The following TBC1D3B variants were observed in gnomAD, a reference collection of about 807,000 sequenced individuals.
TBC1D3B encodes the protein Rab GTPase-activating protein PRC17 duplicate.
A neutral mutation model predicts 27.1 loss-of-function variants in TBC1D3B; 2 were observed. The ratio of observed to expected loss-of-function variants is 0.07; its 90% CI spans 0.03 to 0.23. The LOEUF (loss-of-function observed/expected upper bound fraction) is 0.23, where lower values mean the gene tolerates loss of function less well. TBC1D3B is among the 10% of genes least tolerant of loss of function. The pLI is 1.00. For missense variants in TBC1D3B, 17 were observed against 401.3 expected, an observed-to-expected ratio of 0.04 and a Z score of 8.18; for synonymous variants, 3 against 150.1, an observed-to-expected ratio of 0.02 and a Z score of 7.16.
chr17:36,168,505 G>T lies in TBC1D3B; in HGVS notation c.828+125C>A, dbSNP rs1382372369. The stretch of plus-strand genomic sequence containing the variant: ...CTCTTGGGCAGAGGGTTTTGCTTGT[G>T]TGTCCTTTGGGGACCCGCCTGAGCC... On this transcript the variant is annotated intron_variant, in intron 11 of 13. Coordinates refer to ENST00000611257, the MANE Select transcript of TBC1D3B (RefSeq NM_001001417.7). 4.8e-4 allele frequency: 188 copies of T among 388,166 alleles called. 12 individuals are homozygous for T. The East Asian group carries it at 5.2e-3, about 11-fold the overall frequency. 24.0% of individuals were successfully genotyped at this position (388,166 alleles called of 1,614,324 possible).
chr17:36,169,328 G>C (rs1342071117), intron 9 of TBC1D3B, among the ~76,000 whole-genome samples, 154 bp from the exon 10 acceptor site: 1 of 150,054 alleles, frequency 6.7e-6, no homozygotes. Context: ...TTACCCTGGG[G>C]AGGTGGGGCG....
At position 36,165,855 on chromosome 17, in the gene TBC1D3B, A is replaced by C; in HGVS notation, c.*140T>G. On this transcript the variant is annotated 3_prime_UTR_variant, in exon 14 of 14. Transcript: ENST00000611257. ...TGTGATCTGGGGTCTGGTGTGTTCC[A>C]TCTCTGAATGTCTCTCAAGCTGCAC... The C allele has an allele frequency of 2.1e-6, 2 of 949,072 alleles. No individual in the cohort carries two copies. Among genetic ancestry groups the C allele is most frequent in the Admixed American group, 2.1e-5 (1 of 48,622 alleles). 58.8% of individuals were successfully genotyped at this position (949,072 alleles called of 1,614,324 possible).
At chr17:36,168,481 T>A in intron 11 of TBC1D3B, 149 bp downstream of exon 11, 4 of 427,474 alleles carry the variant, frequency 9.4e-6, no homozygotes, top group Admixed American at 2.7e-5. Flanking sequence ...GGATGACTCC[T>A]CTTGGGCAGA....
intron 9 of TBC1D3B, among the ~76,000 whole-genome samples, chr17:36,169,513 A>G (rs2068317743): frequency 6.7e-6 from 1 of 149,504 alleles, no homozygotes; most frequent in Non-Finnish European, 1.5e-5. Context: ...GGATGGGGAG[A>G]TGCTGCCACC....
rs1431980749 is a variant in TBC1D3B at position 36,165,931 on chromosome 17, G to A, written c.*64C>T. 31 of 1,027,718 alleles carry A rather than the reference G, an allele frequency of 3.0e-5. 5 individuals carry two copies. The highest frequency in any genetic ancestry group is 4.2e-5 in the African/African-American group (3 of 71,442). 63.7% of individuals were successfully genotyped at this position (1,027,718 alleles called of 1,614,324 possible). On this transcript the variant is annotated 3_prime_UTR_variant, in exon 14 of 14. Coordinates refer to ENST00000611257, the MANE Select transcript of TBC1D3B (RefSeq NM_001001417.7). The stretch of plus-strand genomic sequence containing the variant: ...TTAACCAAAAATAAAACGAGGACGC[G>A]AAGCTTGCTTGGGTTGTTAAGCCTA...
At chr17:36,171,335 A>C in intron 7 of TBC1D3B, among the ~76,000 whole-genome samples, 1 of 151,222 alleles carries the variant, frequency 6.6e-6, no homozygotes, top group Non-Finnish European at 1.5e-5. Context: ...TCAGTTTCCA[A>C]ATCAGTGGGT....
intron 7 of TBC1D3B, among the ~76,000 whole-genome samples, chr17:36,170,950 G>C (rs1271171054): frequency 4.1e-4 from 33 of 81,446 alleles, no homozygotes; most frequent in African/African-American, 9.0e-4. Context: ...GCCCCTCCTG[G>C]GGCGACTCCT....
intron 7 of TBC1D3B, among the ~76,000 whole-genome samples, chr17:36,171,090 C>A (rs1268463455): frequency 7.1e-6 from 1 of 140,786 alleles, no homozygotes; most frequent in Non-Finnish European, 1.6e-5. Flanking sequence ...GAATGGGAAT[C>A]CTACGGTGGT....
intron 1 of TBC1D3B, among the ~76,000 whole-genome samples, chr17:36,175,660 C>T (rs1451480038): frequency 3.0e-5 from 3 of 99,072 alleles, no homozygotes; most frequent in African/African-American, 9.9e-5. Flanking sequence ...ACGTCTCTCG[C>T]GGAGGGACTG....
At chr17:36,170,853 G>C (rs1319228970) in intron 7 of TBC1D3B, among the ~76,000 whole-genome samples, 3 of 92,466 alleles carry the variant, frequency 3.2e-5, no homozygotes, top group Non-Finnish European at 1.1e-4. Context: ...TTTTTTTTCA[G>C]TTTGCACACA....
intron 1 of TBC1D3B, among the ~76,000 whole-genome samples, chr17:36,175,887 GA>G (rs2068417092): frequency 2.7e-5 from 3 of 110,488 alleles, no homozygotes; most frequent in African/African-American, 1.1e-4. Flanking sequence ...GAACACAAGG[GA>G]AGATAGTCTC....
chr17:36,171,456 T>C (rs1343277528), intron 7 of TBC1D3B, among the ~76,000 whole-genome samples: 1 of 151,038 alleles, frequency 6.6e-6, no homozygotes, highest in Admixed American at 6.6e-5. Flanking sequence ...CCAGCGGACC[T>C]GGATGAGAGT....
chr17:36,171,468 TC>T (rs1416849017), intron 7 of TBC1D3B, among the ~76,000 whole-genome samples: 1 of 151,094 alleles, frequency 6.6e-6, no homozygotes, highest in Non-Finnish European at 1.5e-5. Flanking sequence ...GATGAGAGTT[TC>T]CAGGACCCCT....
chr17:36,167,880 CT>C (rs2068284334), intron 12 of TBC1D3B, among the ~76,000 whole-genome samples, 184 bp from the exon 13 acceptor site: 1 of 103,374 alleles, frequency 9.7e-6, no homozygotes. Flanking sequence ...TCACCACACT[CT>C]CGACTTTCAT....
intron 13 of TBC1D3B, among the ~76,000 whole-genome samples, chr17:36,167,187 AGGCTGTG>A (rs1444081785): frequency 4.4e-5 from 4 of 91,830 alleles, no homozygotes; most frequent in Non-Finnish European, 1.3e-4. Context: ...CTGCTCTCTG[AGGCTGTG>A]GGTGCTTGCA....
rs1208505487 is a variant in TBC1D3B, at chr17:36,169,261, C to T, written c.668-87G>A. 9.6e-6 allele frequency: 15 copies of T among 1,567,012 alleles called. 2 individuals carry two copies. The highest frequency in any genetic ancestry group is 2.2e-5 in the South Asian group (2 of 90,346). On this transcript the variant is annotated intron_variant, in intron 9 of 13. Coordinates refer to ENST00000611257, the MANE Select transcript of TBC1D3B (RefSeq NM_001001417.7). ...TGCAAGAGCTGGGCAGCTGGAGAGGCCCCCAAACCCCAAGGCTACTCCCAC... is the reference window on the plus strand; with the variant it reads ...TGCAAGAGCTGGGCAGCTGGAGAGGTCCCCAAACCCCAAGGCTACTCCCAC...
chr17:36,175,805 G>T lies in TBC1D3B; in HGVS notation c.-2+675C>A, dbSNP rs1423875948. ...CTCCTGGGAATACTCGAGGCAAAAG[G>T]AGGGCGAGGCTTCAAGAGGACCACG... On this transcript the variant is annotated intron_variant, in intron 1 of 13. Transcript: ENST00000611257. 4.6e-5 allele frequency among the ~76,000 whole-genome samples: 6 copies of T among 129,470 alleles called. No individual in the cohort carries two copies. In the East Asian group the frequency reaches 1.2e-3, roughly 26 times the overall value. The allele number at this position is 129,470 out of a possible 152,430, so 84.9% of individuals were successfully genotyped here.
At chr17:36,169,539 CA>C (rs2068318596) in intron 9 of TBC1D3B, among the ~76,000 whole-genome samples, 1 of 148,620 alleles carries the variant, frequency 6.7e-6, no homozygotes, top group Non-Finnish European at 1.5e-5. Context: ...TTGGTCGGCC[CA>C]TTCGTGGGCA....
At chr17:36,171,536 A>C in intron 7 of TBC1D3B, among the ~76,000 whole-genome samples, 1 of 151,042 alleles carries the variant, frequency 6.6e-6, no homozygotes, top group Non-Finnish European at 1.5e-5. Context: ...TGGGCCCTCT[A>C]TCCTGCCACC....
Sources: allele counts gnomAD v4.1 joint callset (sites outside exome capture counted in the v4.1 genomes callset), GRCh38; gene constraint gnomAD v4.1.1; transcripts MANE v1.5; gene names NCBI Gene and HGNC (gene_info 2026-07-23, HGNC 2026-07-21).